IMPG2: variants seen among roughly 807,000 people sequenced by gnomAD.
IMPG2 encodes interphotoreceptor matrix proteoglycan 2, also known as IPM 200.
IMPG2 carries 91 observed loss-of-function variants against 129.2 expected under a neutral mutation model. That is an observed-to-expected ratio of 0.70 (90% CI 0.59 to 0.84). The LOEUF (loss-of-function observed/expected upper bound fraction) is 0.84, where lower values mean the gene tolerates loss of function less well. IMPG2 is among the 40% of genes least tolerant of loss of function. IMPG2 has a pLI of 0.00. For missense variants in IMPG2, 1,430 were observed against 1,461.7 expected, an observed-to-expected ratio of 0.98 and a Z score of 0.35; for synonymous variants, 510 against 517.7, an observed-to-expected ratio of 0.99 and a Z score of 0.20.
chr3:101,313,071 T>C (rs1331673122), intron 2 of IMPG2, among the ~76,000 whole-genome samples: 1 of 152,130 alleles, frequency 6.6e-6, no homozygotes, highest in African/African-American at 2.4e-5. Context: ...AATTTTGTAG[T>C]ATGAATGGGT....
At position 101,243,834 on chromosome 3, in the gene IMPG2, T is replaced by C. The variant is rs2107219472; in HGVS notation, c.2497A>G (p.Met833Val). The C allele has an allele frequency of 6.2e-7, 1 of 1,614,186 alleles. No individual in the cohort carries two copies. The highest frequency in any genetic ancestry group is 8.5e-7 in the Non-Finnish European group (1 of 1,180,018). Reference sequence around the variant, plus strand: ...TCTAACGAAATATCCTGTACACCCATAATTACTTCATCCTCTAGCAGGGTG... The same window carrying C: ...TCTAACGAAATATCCTGTACACCCACAATTACTTCATCCTCTAGCAGGGTG... ...ISTLLEDEVI[M>V]GVQDISLELD... The change falls in exon 13 of 19, where the codon ATG becomes GTG. Residue 833 changes from methionine (M) to valine (V), a missense_variant. Transcript: ENST00000193391.
chr3:101,279,554 C>T (rs1706872036), intron 4 of IMPG2, among the ~76,000 whole-genome samples: 2 of 152,120 alleles, frequency 1.3e-5, no homozygotes, highest in South Asian at 2.1e-4. Flanking sequence ...GGAAGGGGAA[C>T]CTGGTTAGAG....
At position 101,224,927 on chromosome 3, in the gene IMPG2, C is replaced by G. The variant is rs1484104523; in HGVS notation, c.*2042G>C. The G allele has an allele frequency of 3.3e-5, 5 of 152,224 alleles. No homozygotes were observed. Among genetic ancestry groups the G allele is most frequent in the Non-Finnish European group, 5.9e-5 (4 of 68,044 alleles). The allele number at this position is 152,224 out of a possible 1,614,324, so 9.4% of individuals were successfully genotyped here. On this transcript the variant is annotated 3_prime_UTR_variant, in exon 19 of 19. Coordinates refer to ENST00000193391, the MANE Select transcript of IMPG2 (RefSeq NM_016247.4). ...TCACTGCTTAGTTTGTGGAAAACAA[C>G]AACCCTCCTCTGGCTCAGTTCGTGC...
intron 4 of IMPG2, among the ~76,000 whole-genome samples, chr3:101,288,126 G>GA (rs1174243858): frequency 2.0e-5 from 3 of 152,014 alleles, no homozygotes. Flanking sequence ...GTCAATATAT[G>GA]AAAAAATGCT....
chr3:101,293,693 G>T (rs1486478545), intron 3 of IMPG2, among the ~76,000 whole-genome samples: 1 of 152,168 alleles, frequency 6.6e-6, no homozygotes, highest in African/African-American at 2.4e-5. Context: ...TCCAATAGAA[G>T]GCTGCTTCAT....
intron 14 of IMPG2, among the ~76,000 whole-genome samples, chr3:101,234,805 T>C (rs1706328624): frequency 6.6e-6 from 1 of 152,140 alleles, no homozygotes; most frequent in Admixed American, 6.5e-5. Context: ...TTAAAGTAAG[T>C]TGGGCAAGAG....
chr3:101,228,798 C>T lies in IMPG2; in HGVS notation c.3712G>A (p.Val1238Met). 4 of 1,613,406 alleles carry T rather than the reference C, an allele frequency of 2.5e-6. No homozygotes were observed. The highest frequency in any genetic ancestry group is 3.4e-6 in the Non-Finnish European group (4 of 1,179,384). The change falls in exon 18 of 19, where the codon GTG (valine) becomes ATG (methionine). Residue 1238 changes from valine to methionine, a missense_variant and splice_region_variant. Coordinates refer to ENST00000193391, the MANE Select transcript of IMPG2 (RefSeq NM_016247.4). ...TGGGGGGCTGTTTCAAAAGCTTACACTTGTTGCTCTCTCACAAAAGCTGCA... is the reference window on the plus strand; with the variant it reads ...TGGGGGGCTGTTTCAAAAGCTTACATTTGTTGCTCTCTCACAAAAGCTGCA... ...EFAAFVREQQ[V>M]EEV
At chr3:101,230,919 AC>A in intron 16 of IMPG2, 37 bp downstream of exon 16, 1 of 1,568,282 alleles carries the variant, frequency 6.4e-7, no homozygotes, top group African/African-American at 1.3e-5. Flanking sequence ...TGTAAATGGA[AC>A]ATTGTATTCC....
At chr3:101,228,974 C>A in intron 17 of IMPG2, 98 bp from the exon 18 acceptor site, 1 of 890,266 alleles carries the variant, frequency 1.1e-6, no homozygotes, top group South Asian at 1.4e-5. Flanking sequence ...TTGTTACATT[C>A]TGGGCTATTC....
At chr3:101,230,817 C>A (rs1200396259) in intron 16 of IMPG2, 140 bp downstream of exon 16, 3 of 743,344 alleles carry the variant, frequency 4.0e-6, no homozygotes, top group East Asian at 5.3e-5. Context: ...CCTTTGAGGA[C>A]AAGGACCATG....
chr3:101,232,863 G>A lies in IMPG2; in HGVS notation c.3151C>T (p.Gln1051Ter). The A allele has an allele frequency of 6.2e-7, 1 of 1,613,718 alleles. No individual in the cohort carries two copies. The highest frequency in any genetic ancestry group is 2.2e-5 in the East Asian group (1 of 44,798). Residue 1051 changes from glutamine to a stop codon, truncating the protein, a stop_gained, in exon 15 of 19, where the codon CAG (glutamine) becomes TAG (stop). Transcript: ENST00000193391. LOFTEE classifies it high-confidence loss of function. ...GYLSVEERPC[Q>*]SLCDLQPDFC... ...TCAGGCTGTAGGTCACAGAGACTCT[G>A]ACAGGGCCGTTCTTCCACACTCAGG...
intron 3 of IMPG2, among the ~76,000 whole-genome samples, chr3:101,303,759 T>C (rs577765569): frequency 2.0e-4 from 31 of 152,350 alleles, no homozygotes; most frequent in African/African-American, 6.7e-4. Flanking sequence ...ATTAGAGTTA[T>C]TGCTATTCAC....
intron 18 of IMPG2, among the ~76,000 whole-genome samples, chr3:101,228,014 C>T (rs560671543): frequency 5.6e-4 from 86 of 152,290 alleles, no homozygotes; most frequent in African/African-American, 2.0e-3. Flanking sequence ...ACTTATCTGG[C>T]CCTCCACGAA....
At chr3:101,290,549 C>T (rs1008636825) in intron 4 of IMPG2, among the ~76,000 whole-genome samples, 4 of 152,054 alleles carry the variant, frequency 2.6e-5, no homozygotes, top group African/African-American at 9.7e-5. Flanking sequence ...GTAAACCACA[C>T]CCAAGAGACC....
At chr3:101,247,986 T>C (rs1451722366) in intron 11 of IMPG2, among the ~76,000 whole-genome samples, 6 of 152,268 alleles carry the variant, frequency 3.9e-5, no homozygotes, top group Non-Finnish European at 8.8e-5. Context: ...AATATTAAAT[T>C]TGCACTGACA....
intron 3 of IMPG2, among the ~76,000 whole-genome samples, chr3:101,292,908 T>C (rs1159301003): frequency 6.6e-6 from 1 of 152,238 alleles, no homozygotes; most frequent in Non-Finnish European, 1.5e-5. Context: ...AAGAAATTTC[T>C]CATTCATTCA....
chr3:101,294,035 A>G (rs1311593904), intron 3 of IMPG2, among the ~76,000 whole-genome samples: 2 of 152,130 alleles, frequency 1.3e-5, no homozygotes, highest in African/African-American at 4.8e-5. Context: ...CTTATCACTA[A>G]TATGCTCACT....
intron 3 of IMPG2, among the ~76,000 whole-genome samples, chr3:101,291,928 T>C (rs892179348): frequency 5.3e-5 from 8 of 152,362 alleles, no homozygotes; most frequent in African/African-American, 1.4e-4. Flanking sequence ...AATTGATGTT[T>C]GTTTCTACAG....
rs1280461832 is a variant in IMPG2, at chr3:101,256,208, A to C, written c.1153+1321T>G. 2.9e-4 allele frequency among the ~76,000 whole-genome samples: 43 copies of C among 150,868 alleles called. 1 individual carries two copies. The highest frequency in any genetic ancestry group is 1.0e-3 in the African/African-American group (42 of 41,004). On this transcript the variant is annotated intron_variant, in intron 10 of 18. Transcript: ENST00000193391. ...AAGAAAGAAAGAAAGAAAGAAAGAA[A>C]GAAAGAAAGAAAAAAATATCTTATT...
Sources: gnomAD v4.1 joint callset for allele counts (sites outside exome capture counted in the v4.1 genomes callset) on GRCh38, gnomAD v4.1.1 for gene constraint, MANE v1.5 for transcripts, NCBI Gene and HGNC (gene_info 2026-07-23, HGNC 2026-07-21) for gene names.